SCN9A: variants seen among roughly 807,000 people sequenced by gnomAD.
SCN9A encodes the protein sodium voltage-gated channel alpha subunit 9.
SCN9A carries 131 observed loss-of-function variants against 187.0 expected under a neutral mutation model. The observed-to-expected ratio is 0.70, with a 90% CI of 0.61 to 0.81. The LOEUF is 0.81. Ranked by LOEUF, SCN9A falls within the 30% of genes least tolerant of loss-of-function variation. The pLI, the probability that SCN9A is intolerant of heterozygous loss-of-function variation, is 0.00. For missense variants in SCN9A, 2,252 were observed against 2,396.6 expected, an observed-to-expected ratio of 0.94 and a Z score of 1.26; for synonymous variants, 809 against 808.6, an observed-to-expected ratio of 1.00 and a Z score of -0.01.
intron 1 of SCN9A, among the ~76,000 whole-genome samples, chr2:166,341,827 T>C (rs1188759323): frequency 2.6e-5 from 4 of 152,238 alleles, no homozygotes; most frequent in South Asian, 2.1e-4. Flanking sequence ...TAACAGCCTG[T>C]GTCTCAAGGA....
chr2:166,317,481 A>G (rs2105238496), intron 1 of SCN9A, among the ~76,000 whole-genome samples: 1 of 152,310 alleles, frequency 6.6e-6, no homozygotes, highest in South Asian at 2.1e-4. Flanking sequence ...TACTTAGGCA[A>G]CTACTAAAAT....
In SCN9A at chr2:166,228,357, C is replaced by T. The variant is rs540607606; in HGVS notation, c.4206+334G>A. Among the ~76,000 whole-genome samples the T allele has an allele frequency of 3.0e-3, 446 of 147,682 alleles. 4 individuals carry two copies. The highest frequency in any genetic ancestry group is 0.01 in the African/African-American group (421 of 40,360). On this transcript the variant is annotated intron_variant, in intron 22 of 26. Coordinates refer to ENST00000642356, the MANE Select transcript of SCN9A (RefSeq NM_001365536.1). ...CTGCAACCTCCGCCTCCCAGGTTCACGTGATTCTCCTGCCTCAGCCTCCCA... is the reference window on the plus strand; with the variant it reads ...CTGCAACCTCCGCCTCCCAGGTTCATGTGATTCTCCTGCCTCAGCCTCCCA...
intron 1 of SCN9A, among the ~76,000 whole-genome samples, chr2:166,333,495 A>C (rs1297733437): frequency 6.6e-6 from 1 of 152,114 alleles, no homozygotes; most frequent in Non-Finnish European, 1.5e-5. Context: ...AACATCGTGA[A>C]GTCCAGCTTA....
At chr2:166,245,645 C>G (rs560710471) in intron 18 of SCN9A, among the ~76,000 whole-genome samples, 6 of 151,888 alleles carry the variant, frequency 4.0e-5, no homozygotes, top group Non-Finnish European at 8.8e-5. Flanking sequence ...TGAATTCTTC[C>G]TCATAAAATT....
At chr2:166,249,109 T>C (rs1055986004) in intron 18 of SCN9A, among the ~76,000 whole-genome samples, 2 of 152,122 alleles carry the variant, frequency 1.3e-5, no homozygotes, top group African/African-American at 2.4e-5. Flanking sequence ...TTTCCCTCCA[T>C]ATATTTGCAC....
At chr2:166,290,578 A>T (rs915664049) in intron 9 of SCN9A, among the ~76,000 whole-genome samples, 2 of 152,062 alleles carry the variant, frequency 1.3e-5, no homozygotes, top group African/African-American at 2.4e-5. Context: ...ACCAGAATCT[A>T]TTGTTTCTCA....
At chr2:166,336,378 T>C (rs1348772260) in intron 1 of SCN9A, among the ~76,000 whole-genome samples, 4 of 152,058 alleles carry the variant, frequency 2.6e-5, no homozygotes, top group Admixed American at 2.0e-4. Context: ...CAGGACAAAA[T>C]CATTACATAC....
In SCN9A at chr2:166,293,286, A is replaced by T. The variant is rs1218174644; in HGVS notation, c.1052T>A (p.Phe351Tyr). The T allele has an allele frequency of 6.2e-7, 1 of 1,600,308 alleles. No individual in the cohort carries two copies. Among genetic ancestry groups the T allele is most frequent in the Non-Finnish European group, 8.5e-7 (1 of 1,172,620 alleles). ...YTSFDTFSWA[F>Y]LALFRLMTQD... ...GGTCATTAGCCTAAACAAGGCTAAG[A>T]AGGCCCAGCTGAAAGTGTCAAAGCT... The change falls in exon 9 of 27, where the codon TTC (phenylalanine) becomes TAC (tyrosine). Residue 351 changes from phenylalanine (F) to tyrosine (Y), a missense_variant. By Grantham distance (22) the Phe-to-Tyr change is conservative. Coordinates refer to ENST00000642356, the MANE Select transcript of SCN9A (RefSeq NM_001365536.1).
At chr2:166,248,851 G>A (rs1394601424) in intron 18 of SCN9A, among the ~76,000 whole-genome samples, 1 of 151,648 alleles carries the variant, frequency 6.6e-6, no homozygotes, top group African/African-American at 2.4e-5. Context: ...TTCATTTTCA[G>A]TAAAAATGGG....
intron 1 of SCN9A, among the ~76,000 whole-genome samples, chr2:166,368,404 T>C (rs1700469270): frequency 6.6e-6 from 1 of 152,064 alleles, no homozygotes; most frequent in African/African-American, 2.4e-5. Flanking sequence ...AAGGCCGAGG[T>C]GGGCAGATCA....
chr2:166,281,830 G>A (rs1373404137), intron 12 of SCN9A, 22 bp from the exon 13 acceptor site: 10 of 1,597,140 alleles, frequency 6.3e-6, no homozygotes, highest in East Asian at 4.5e-5. Context: ...ATCAATTAAT[G>A]TCTTAAGAAC....
Position 166,195,882 on chromosome 2 carries a change from C to G in SCN9A, c.*2790G>C, listed in dbSNP as rs202232105. ...TGGGCAACATAGCAAGACCCCTTATCTACAAAAATTTAAATATTAGCCAGG... is the reference window on the plus strand; with the variant it reads ...TGGGCAACATAGCAAGACCCCTTATGTACAAAAATTTAAATATTAGCCAGG... On this transcript the variant is annotated 3_prime_UTR_variant, in exon 27 of 27. Coordinates refer to ENST00000642356, the MANE Select transcript of SCN9A (RefSeq NM_001365536.1). The G allele has an allele frequency of 3.3e-5, 5 of 152,100 alleles. No individual in the cohort carries two copies. Among genetic ancestry groups the G allele is most frequent in the Non-Finnish European group, 7.3e-5 (5 of 68,078 alleles). The allele number at this position is 152,100 out of a possible 1,614,324, so 9.4% of individuals were successfully genotyped here.
chr2:166,371,555 A>C (rs1267658240), intron 1 of SCN9A, among the ~76,000 whole-genome samples: 1 of 152,122 alleles, frequency 6.6e-6, no homozygotes, highest in Non-Finnish European at 1.5e-5. Context: ...AGGACACCAA[A>C]ATTGTTATCT....
intron 1 of SCN9A, among the ~76,000 whole-genome samples, chr2:166,329,197 T>C (rs1699437538): frequency 6.6e-6 from 1 of 152,120 alleles, no homozygotes; most frequent in African/African-American, 2.4e-5. Flanking sequence ...AGAATGTAGT[T>C]TGGAAATTTT....
chr2:166,286,653 T>G, intron 10 of SCN9A, 30 bp from the exon 11 acceptor site: 1 of 1,475,246 alleles, frequency 6.8e-7, no homozygotes, highest in Non-Finnish European at 8.9e-7. Flanking sequence ...AACACTTAAA[T>G]GAGTCATTTC....
Position 166,311,330 on chromosome 2 carries a change from C to CTATATA in SCN9A, c.258+163_258+168dup, listed in dbSNP as rs10688081. Among the ~76,000 whole-genome samples, 342 of 46,624 alleles carry CTATATA rather than the reference C, an allele frequency of 7.3e-3. 16 individuals are homozygous for CTATATA. The highest frequency in any genetic ancestry group is 0.011 in the Admixed American group (28 of 2,546). The allele number at this position is 46,624 out of a possible 152,430, so 30.6% of individuals were successfully genotyped here. On this transcript the variant is annotated intron_variant, in intron 2 of 26. Coordinates refer to ENST00000642356, the MANE Select transcript of SCN9A (RefSeq NM_001365536.1). ...TGAAAAAGTACAGATTCTGAATATC[C>CTATATA]TATATATATATATATATATATATAT...
rs749879117 is a variant in SCN9A at position 166,228,740 on chromosome 2, T to C, written c.4157A>G (p.Lys1386Arg). The C allele has an allele frequency of 1.2e-6, 2 of 1,613,824 alleles. No individual in the cohort carries two copies. The highest frequency in any genetic ancestry group is 3.3e-5 in the Admixed American group (2 of 60,006). The change falls in exon 22 of 27, where the codon AAA (lysine) becomes AGA (arginine). Residue 1386 changes from lysine to arginine, a missense_variant. Physicochemically the swap from Lys to Arg is conservative, Grantham distance 26. Coordinates refer to ENST00000642356, the MANE Select transcript of SCN9A (RefSeq NM_001365536.1). ...AAGTCCGACATTATCAAAGTTCACT[T>C]TCAGGTTTTTCCATCGCACATTTTG... ...VSQNVRWKNL[K>R]VNFDNVGLGY...
chr2:166,337,902 T>C lies in SCN9A; in HGVS notation c.-50-26096A>G, dbSNP rs141629021. ...CTTGAACCAATAAGAACTCAATACA[T>C]ACCTCTATTATTGTTATTATCATTA... On this transcript the variant is annotated intron_variant, in intron 1 of 26. Transcript: ENST00000642356. Among the ~76,000 whole-genome samples, 350 of 152,240 alleles carry C rather than the reference T, an allele frequency of 2.3e-3. 1 individual carries two copies. The highest frequency in any genetic ancestry group is 8.2e-3 in the African/African-American group (339 of 41,564).
intron 1 of SCN9A, among the ~76,000 whole-genome samples, chr2:166,341,763 A>T (rs1447338194): frequency 6.6e-6 from 1 of 152,228 alleles, no homozygotes; most frequent in East Asian, 1.9e-4. Flanking sequence ...GAAAGGAAAA[A>T]GGAAGAGGAA....
Sources: allele counts gnomAD v4.1 joint callset (sites outside exome capture counted in the v4.1 genomes callset), GRCh38; gene constraint gnomAD v4.1.1; transcripts MANE v1.5; gene names NCBI Gene and HGNC (gene_info 2026-07-23, HGNC 2026-07-21).